UST: variants seen among roughly 807,000 people sequenced by gnomAD.
UST encodes uronyl 2-sulfotransferase.
A neutral mutation model predicts 45.6 loss-of-function variants in UST; 21 were observed. The ratio of observed to expected loss-of-function variants is 0.46; its 90% CI spans 0.33 to 0.66. UST has a LOEUF of 0.66. Among genes scored for constraint, UST ranks in the 30% least tolerant of loss-of-function variants. The probability of loss-of-function intolerance (pLI) is 0.02; values close to 1 mark genes in which losing one functional copy is unlikely to be tolerated. For synonymous variants in UST, 215 were observed against 200.6 expected, an observed-to-expected ratio of 1.07 and a Z score of -0.61; for missense variants, 463 against 512.4, an observed-to-expected ratio of 0.90 and a Z score of 0.93.
At chr6:148,884,128 G>A (rs865938241) in intron 1 of UST, among the ~76,000 whole-genome samples, 5 of 129,872 alleles carry the variant, frequency 3.8e-5, no homozygotes, top group East Asian at 4.2e-4. Context: ...GTGAGACACC[G>A]TCTCAAAAAA....
intron 1 of UST, among the ~76,000 whole-genome samples, chr6:148,839,580 C>T (rs764567173): frequency 2.6e-5 from 4 of 152,160 alleles, no homozygotes; most frequent in South Asian, 2.1e-4. Context: ...TAAGAGGTGA[C>T]GTTGATGCTG....
intron 7 of UST, among the ~76,000 whole-genome samples, chr6:149,045,581 C>T (rs886522970): frequency 1.3e-5 from 2 of 152,150 alleles, no homozygotes; most frequent in African/African-American, 4.8e-5. Flanking sequence ...GGCTTAGTAA[C>T]AATTCTCTTG....
intron 2 of UST, among the ~76,000 whole-genome samples, chr6:148,902,393 ATT>A (rs71554423): frequency 7.0e-5 from 10 of 142,448 alleles, no homozygotes; most frequent in Admixed American, 1.4e-4. Context: ...TGCCTGGCTA[ATT>A]TTTTTTTTTT....
At chr6:148,963,451 G>T (rs1371949109) in intron 4 of UST, among the ~76,000 whole-genome samples, 1 of 152,104 alleles carries the variant, frequency 6.6e-6, no homozygotes, top group African/African-American at 2.4e-5. Context: ...ATCATTAAGA[G>T]AAATCCAGCC....
At chr6:148,996,441 A>G (rs1308952051) in intron 5 of UST, among the ~76,000 whole-genome samples, 4 of 151,870 alleles carry the variant, frequency 2.6e-5, no homozygotes, top group Non-Finnish European at 4.4e-5. Flanking sequence ...CTGGTCTTGA[A>G]CTCCTGACCT....
At chr6:148,927,205 G>A (rs1359083424) in intron 2 of UST, among the ~76,000 whole-genome samples, 1 of 151,942 alleles carries the variant, frequency 6.6e-6, no homozygotes, top group East Asian at 1.9e-4. Flanking sequence ...GAGGGAAAGG[G>A]GAGGAGGAGG....
At chr6:148,900,685 C>T (rs1203608091) in intron 2 of UST, among the ~76,000 whole-genome samples, 2 of 152,202 alleles carry the variant, frequency 1.3e-5, no homozygotes, top group African/African-American at 4.8e-5. Flanking sequence ...CCTGCATTAC[C>T]ATATTGTATT....
intron 5 of UST, among the ~76,000 whole-genome samples, chr6:148,992,100 T>G (rs1781364433): frequency 6.6e-6 from 1 of 152,218 alleles, no homozygotes; most frequent in Admixed American, 6.5e-5. Flanking sequence ...GCCACCTGTT[T>G]ATGATCATAG....
chr6:148,747,283 C>G lies in UST; in HGVS notation c.-148C>G, dbSNP rs1562554615. 3 of 961,176 alleles carry G rather than the reference C, an allele frequency of 3.1e-6. No individual in the cohort carries two copies. The highest frequency in any genetic ancestry group is 3.3e-5 in the East Asian group (1 of 30,264). 59.5% of individuals were successfully genotyped at this position (961,176 alleles called of 1,614,324 possible). ...CATGCCGAAGAAAGTCTCCTGAGCC[C>G]GGCAACTTCGGCCCCTCCCCGCCCC... On this transcript the variant is annotated 5_prime_UTR_variant, in exon 1 of 8. Coordinates refer to ENST00000367463, the MANE Select transcript of UST (RefSeq NM_005715.3).
intron 1 of UST, among the ~76,000 whole-genome samples, chr6:148,842,226 A>G (rs1383542404): frequency 6.6e-6 from 1 of 152,178 alleles, no homozygotes; most frequent in African/African-American, 2.4e-5. Context: ...GAAATAAGGA[A>G]AATTTGTCTT....
At chr6:148,954,054 G>A in intron 4 of UST, 103 bp downstream of exon 4, 8 of 834,848 alleles carry the variant, frequency 9.6e-6, no homozygotes, top group Non-Finnish European at 1.4e-5. Flanking sequence ...CCCTTGAAAA[G>A]ACATTTTTAA....
chr6:148,986,161 G>A (rs1012554088), intron 5 of UST, among the ~76,000 whole-genome samples: 8 of 152,194 alleles, frequency 5.3e-5, no homozygotes, highest in Admixed American at 2.6e-4. Context: ...ATTAGCCTAC[G>A]GGAAGCATGC....
intron 7 of UST, among the ~76,000 whole-genome samples, chr6:149,036,379 C>T (rs554649859): frequency 6.6e-6 from 1 of 152,346 alleles, no homozygotes; most frequent in East Asian, 1.9e-4. Context: ...CCTCCAACCG[C>T]ATTTCATCTT....
At chr6:148,761,202 A>ACGT (rs1389099663) in intron 1 of UST, among the ~76,000 whole-genome samples, 3 of 152,172 alleles carry the variant, frequency 2.0e-5, no homozygotes, top group Non-Finnish European at 4.4e-5. Flanking sequence ...TCTGGGAGCC[A>ACGT]CGTCGATGTG....
intron 7 of UST, among the ~76,000 whole-genome samples, chr6:149,037,606 G>T (rs1242119027): frequency 6.6e-6 from 1 of 152,218 alleles, no homozygotes; most frequent in Admixed American, 6.5e-5. Flanking sequence ...TGTGCCTGCG[G>T]CGGCCTGGCC....
intron 2 of UST, among the ~76,000 whole-genome samples, chr6:148,890,213 C>T (rs1582880007): frequency 6.6e-6 from 1 of 152,086 alleles, no homozygotes; most frequent in Non-Finnish European, 1.5e-5. Flanking sequence ...TCTTCTCATC[C>T]GTTCTTATTG....
At chr6:149,049,929 T>TCACACACACACACACA (rs1219672960) in intron 7 of UST, among the ~76,000 whole-genome samples, 1 of 129,734 alleles carries the variant, frequency 7.7e-6, no homozygotes, top group African/African-American at 2.9e-5. Flanking sequence ...TCTCTCTCTC[T>TCACACACACACACACA]CTCACACACA....
chr6:148,916,907 T>C (rs987846119), intron 2 of UST, among the ~76,000 whole-genome samples: 4 of 152,198 alleles, frequency 2.6e-5, no homozygotes, highest in Non-Finnish European at 1.5e-5. Context: ...ACAGAGGCAA[T>C]TTCTTCCTGC....
chr6:148,747,601 C>T lies in UST; in HGVS notation c.171C>T (p.Val57=), dbSNP rs752057970. The T allele has an allele frequency of 5.6e-6, 9 of 1,600,298 alleles. No homozygotes were observed. The Admixed American group carries it at 1.5e-4, about 27-fold the overall frequency. ...DYGFCMATLL[V]FCLGSLLYQL... is the part of the protein sequence containing the mutation. ...GCTTCTGCATGGCCACCCTGCTGGT[C>T]TTCTGCCTGGGCTCCCTCCTCTATC... The change falls in exon 1 of 8, where the codon GTC becomes GTT. Residue 57 remains valine (V), a synonymous_variant. Transcript: ENST00000367463.
Sources: allele counts gnomAD v4.1 joint callset (sites outside exome capture counted in the v4.1 genomes callset), GRCh38; gene constraint gnomAD v4.1.1; transcripts MANE v1.5; gene names NCBI Gene and HGNC (gene_info 2026-07-23, HGNC 2026-07-21).